GRIP1: variants seen among roughly 807,000 people sequenced by gnomAD.
The protein encoded by GRIP1 is glutamate receptor-interacting protein 1.
GRIP1 carries 45 observed loss-of-function variants against 129.9 expected under a neutral mutation model. The ratio of observed to expected loss-of-function variants is 0.35; its 90% CI spans 0.27 to 0.44. The LOEUF (loss-of-function observed/expected upper bound fraction) is 0.44, where lower values mean the gene tolerates loss of function less well. GRIP1 is among the 20% of genes least tolerant of loss of function. The pLI, the probability that GRIP1 is intolerant of heterozygous loss-of-function variation, is 1.00. For synonymous variants in GRIP1, 530 were observed against 520.8 expected, an observed-to-expected ratio of 1.02 and a Z score of -0.24; for missense variants, 1,196 against 1,396.8, an observed-to-expected ratio of 0.86 and a Z score of 2.29.
chr12:66,748,132 C>T (rs922028752), intron 1 of GRIP1, among the ~76,000 whole-genome samples: 1 of 152,056 alleles, frequency 6.6e-6, no homozygotes, highest in African/African-American at 2.4e-5. Context: ...GATTCTCCTG[C>T]CTCAGCCTCC....
intron 5 of GRIP1, among the ~76,000 whole-genome samples, chr12:66,518,834 A>G (rs1343187710): frequency 6.6e-6 from 1 of 152,210 alleles, no homozygotes; most frequent in Non-Finnish European, 1.5e-5. Context: ...AGAGCAGTAA[A>G]ATAAAAATGT....
chr12:66,719,325 C>A (rs1296271963), intron 1 of GRIP1, among the ~76,000 whole-genome samples: 1 of 152,090 alleles, frequency 6.6e-6, no homozygotes, highest in African/African-American at 2.4e-5. Context: ...TTAGCAAGTA[C>A]ATTTGTCTGA....
chr12:66,838,543 C>T (rs1020372132), intron 1 of GRIP1, among the ~76,000 whole-genome samples: 36 of 152,088 alleles, frequency 2.4e-4, no homozygotes, highest in African/African-American at 7.5e-4. Context: ...CGCTCATTCA[C>T]GCATGTGAAC....
In GRIP1 at chr12:66,533,303, T is replaced by C. The variant is rs1045303450; in HGVS notation, c.419-3389A>G. ...CTCCTGCCTCAGCCTCCCAAAGTGC[T>C]AGGATTACAGGTGTAAGCCACCACA... On this transcript the variant is annotated intron_variant, in intron 4 of 24. Coordinates refer to ENST00000359742, the MANE Select transcript of GRIP1 (RefSeq NM_001366722.1). Among the ~76,000 whole-genome samples the C allele has an allele frequency of 5.3e-5, 8 of 152,028 alleles. No individual in the cohort carries two copies. In the East Asian group the frequency reaches 1.6e-3, roughly 30 times the overall value.
intron 1 of GRIP1, among the ~76,000 whole-genome samples, chr12:66,740,811 TA>T (rs975388401): frequency 5.3e-4 from 77 of 144,440 alleles, no homozygotes; most frequent in Admixed American, 1.7e-3. Flanking sequence ...CTTGGAGAGA[TA>T]AAAAAAAAAA....
intron 1 of GRIP1, among the ~76,000 whole-genome samples, chr12:67,002,911 C>A (rs1297415689): frequency 6.6e-6 from 1 of 152,202 alleles, no homozygotes; most frequent in East Asian, 1.9e-4. Flanking sequence ...GAAGAGTCAA[C>A]CACCACTCAT....
intron 1 of GRIP1, among the ~76,000 whole-genome samples, chr12:66,767,977 T>C (rs745537648): frequency 1.3e-5 from 2 of 152,140 alleles, no homozygotes; most frequent in Non-Finnish European, 2.9e-5. Context: ...TCCTGTCAAA[T>C]GTGTATATGC....
At chr12:66,377,563 T>G (rs1344883952) in intron 20 of GRIP1, among the ~76,000 whole-genome samples, 1 of 149,318 alleles carries the variant, frequency 6.7e-6, no homozygotes, top group East Asian at 2.0e-4. Context: ...ATGGTCTCGA[T>G]CTCCTGACTT....
chr12:66,797,804 T>C lies in GRIP1; in HGVS notation c.-420+6249A>G, dbSNP rs373896469. Among the ~76,000 whole-genome samples, 27 of 152,266 alleles carry C rather than the reference T, an allele frequency of 1.8e-4. No individual in the cohort carries two copies. In the East Asian group the frequency reaches 4.6e-3, roughly 26 times the overall value. ...CTTGATCCTTCATGTCTGTCTCCTTTGGATGTGGGCTTGATTCCCTCCCAG... is the reference window on the plus strand; with the variant it reads ...CTTGATCCTTCATGTCTGTCTCCTTCGGATGTGGGCTTGATTCCCTCCCAG... On this transcript the variant is annotated intron_variant, in intron 1 of 4. Transcript: ENST00000538373.
chr12:66,460,728 C>T (rs1308832299), intron 9 of GRIP1, among the ~76,000 whole-genome samples: 1 of 152,166 alleles, frequency 6.6e-6, no homozygotes, highest in Non-Finnish European at 1.5e-5. Flanking sequence ...TGTTGAGAGA[C>T]ACACTGTTCA....
chr12:66,380,747 AG>A (rs1383845311), intron 19 of GRIP1, among the ~76,000 whole-genome samples: 3 of 152,114 alleles, frequency 2.0e-5, no homozygotes, highest in African/African-American at 7.2e-5. Context: ...TGGGGGTTCA[AG>A]TGGGGCTCGA....
intron 14 of GRIP1, among the ~76,000 whole-genome samples, chr12:66,427,670 A>G (rs1488513954): frequency 6.6e-6 from 1 of 152,130 alleles, no homozygotes; most frequent in Non-Finnish European, 1.5e-5. Context: ...CATTACATAG[A>G]CCTCAGAGAT....
intron 1 of GRIP1, among the ~76,000 whole-genome samples, chr12:66,644,509 T>C (rs2032198606): frequency 6.6e-6 from 1 of 152,136 alleles, no homozygotes; most frequent in African/African-American, 2.4e-5. Context: ...CAAAAGAAGA[T>C]TGAAAATCCT....
intron 7 of GRIP1, among the ~76,000 whole-genome samples, chr12:66,491,484 G>A (rs765602127): frequency 6.6e-6 from 1 of 152,290 alleles, no homozygotes; most frequent in East Asian, 1.9e-4. Flanking sequence ...TTGGGGGAAA[G>A]GGAGAGCATC....
intron 1 of GRIP1, among the ~76,000 whole-genome samples, chr12:66,639,633 A>G (rs990817982): frequency 1.3e-5 from 2 of 152,234 alleles, no homozygotes; most frequent in Non-Finnish European, 2.9e-5. Flanking sequence ...AGAATGATAA[A>G]TAATCCAGCA....
At chr12:66,595,772 T>C (rs759651196) in intron 2 of GRIP1, among the ~76,000 whole-genome samples, 1 of 152,224 alleles carries the variant, frequency 6.6e-6, no homozygotes, top group Non-Finnish European at 1.5e-5. Flanking sequence ...ATTCATAATA[T>C]GTGTCTTCAT....
intron 2 of GRIP1, among the ~76,000 whole-genome samples, chr12:66,582,345 C>A (rs1247175833): frequency 2.1e-5 from 3 of 141,904 alleles, no homozygotes; most frequent in Non-Finnish European, 3.1e-5. Context: ...AAAACTGGCA[C>A]AAGACAGGGA....
At chr12:67,018,777 A>C (rs1158677871) in intron 1 of GRIP1, among the ~76,000 whole-genome samples, 1 of 152,094 alleles carries the variant, frequency 6.6e-6, no homozygotes, top group African/African-American at 2.4e-5. Flanking sequence ...CCATTTTGTA[A>C]AACCAATTTT....
At chr12:66,863,399 T>G (rs1448299923) in intron 1 of GRIP1, among the ~76,000 whole-genome samples, 3 of 152,104 alleles carry the variant, frequency 2.0e-5, no homozygotes, top group Non-Finnish European at 4.4e-5. Context: ...TATTAGTACT[T>G]AATAACTTGT....
Sources: allele counts gnomAD v4.1 joint callset (sites outside exome capture counted in the v4.1 genomes callset), GRCh38; gene constraint gnomAD v4.1.1; transcripts MANE v1.5; gene names NCBI Gene and HGNC (gene_info 2026-07-23, HGNC 2026-07-21).